PPP1R3C: variants seen among roughly 807,000 people sequenced by gnomAD.
PPP1R3C encodes protein phosphatase 1 regulatory subunit 3C.
Under a neutral mutation model 29.3 loss-of-function variants are expected in PPP1R3C, and 20 were observed. That is an observed-to-expected ratio of 0.68 (90% CI 0.48 to 0.99). PPP1R3C has a LOEUF of 0.99. Among genes scored for constraint, PPP1R3C ranks in the 50% least tolerant of loss-of-function variants. The probability of loss-of-function intolerance (pLI) is 0.00; values close to 1 mark genes in which losing one functional copy is unlikely to be tolerated. For missense variants in PPP1R3C, 321 were observed against 386.0 expected (o/e 0.83, Z 1.41); for synonymous variants, 123 against 143.1 (o/e 0.86, Z 1.00).
intron 1 of PPP1R3C, among the ~76,000 whole-genome samples, chr10:91,632,674 G>T: frequency 6.6e-6 from 1 of 152,156 alleles, no homozygotes; most frequent in Non-Finnish European, 1.5e-5. Context: ...AGGACCAAAA[G>T]AACAGCCGCA....
Position 91,628,828 on chromosome 10 carries a change from T to C in PPP1R3C, c.*1099A>G, listed in dbSNP as rs539524821. 18 of 152,734 alleles carry C rather than the reference T, an allele frequency of 1.2e-4. No homozygotes were observed. The highest frequency in any genetic ancestry group is 4.3e-4 in the African/African-American group (18 of 41,584). The allele number at this position is 152,734 out of a possible 1,614,324, so 9.5% of individuals were successfully genotyped here. The stretch of plus-strand genomic sequence containing the variant: ...TGGGTTGCTACTTCTATGTGCAAGG[T>C]ACTGGATTCTTGCATTGAGAATCCT... On this transcript the variant is annotated 3_prime_UTR_variant, in exon 2 of 2. Coordinates refer to ENST00000238994, the MANE Select transcript of PPP1R3C (RefSeq NM_005398.7).
rs147736541 is a variant in PPP1R3C at position 91,629,915 on chromosome 10, T to C, written c.*12A>G. On this transcript the variant is annotated 3_prime_UTR_variant, in exon 2 of 2. Transcript: ENST00000238994. ...ATATGACAAGTCAAGACCAGTTACA[T>C]TGTTGCTTAATTCATCGATAAGAGG... 3.2e-5 allele frequency: 51 copies of C among 1,613,496 alleles called. 1 individual carries two copies. In the African/African-American group the frequency reaches 4.0e-4, roughly 13 times the overall value.
intron 1 of PPP1R3C, 140 bp downstream of exon 1, chr10:91,632,816 G>T: frequency 7.7e-7 from 1 of 1,301,228 alleles, no homozygotes; most frequent in Non-Finnish European, 1.1e-6. Flanking sequence ...TCGGTTGCCA[G>T]ATTCAACTAC....
In PPP1R3C at chr10:91,630,869, G is replaced by A. The variant is rs1217522115; in HGVS notation, c.15-3C>T. ...GTGGATCTAAAACCTGGATCATTCTGGAATGCAAAAAGAAGAGGGATTATC... is the reference window on the plus strand; with the variant it reads ...GTGGATCTAAAACCTGGATCATTCTAGAATGCAAAAAGAAGAGGGATTATC... On this transcript the variant is annotated splice_region_variant and splice_polypyrimidine_tract_variant and intron_variant, in intron 1 of 1. Coordinates refer to ENST00000238994, the MANE Select transcript of PPP1R3C (RefSeq NM_005398.7). This position sits in a 1 kb window ranked among gnomAD's most constrained non-coding sequence, Gnocchi z 4.4. 2 of 1,607,504 alleles carry A rather than the reference G, an allele frequency of 1.2e-6. No homozygotes were observed. Among genetic ancestry groups the A allele is most frequent in the African/African-American group, 2.7e-5 (2 of 74,878 alleles).
At position 91,630,119 on chromosome 10, in the gene PPP1R3C, A is replaced by G. The variant is rs1848699338; in HGVS notation, c.762T>C (p.Tyr254=). 16 of 1,614,232 alleles carry G rather than the reference A, an allele frequency of 9.9e-6. No individual in the cohort carries two copies. In the Admixed American group the frequency reaches 1.7e-4, roughly 17 times the overall value. ...GCTTCCATTGAACATGAACAATTCT[A>G]TAATTCTGACCATCATTGTTGTCCC... is the stretch of plus-strand genomic sequence containing the variant. ...VFWDNNDGQN[Y]RIVHVQWKPD... is the part of the protein sequence containing the mutation. The change falls in exon 2 of 2, where the codon TAT becomes TAC. Residue 254 remains tyrosine (Y), a synonymous_variant. Coordinates refer to ENST00000238994, the MANE Select transcript of PPP1R3C (RefSeq NM_005398.7). The surrounding 1 kb of genome is among the most constrained non-coding windows in gnomAD (Gnocchi z 4.4).
Position 91,632,947 on chromosome 10 carries a change from C to A in PPP1R3C, c.14+9G>T, listed in dbSNP as rs1848732458. 4.3e-6 allele frequency: 7 copies of A among 1,612,202 alleles called. No individual in the cohort carries two copies. Among genetic ancestry groups the A allele is most frequent in the East Asian group, 2.2e-5 (1 of 44,830 alleles). On this transcript the variant is annotated intron_variant, in intron 1 of 1. Coordinates refer to ENST00000238994, the MANE Select transcript of PPP1R3C (RefSeq NM_005398.7). ...GTGTTCCTAGCGCGCAGAGTTGCAG[C>A]GAACCTACCTGGTGCAGCTCATTAG...
At chr10:91,631,615 C>T (rs939054767) in intron 1 of PPP1R3C, among the ~76,000 whole-genome samples, 1 of 152,036 alleles carries the variant, frequency 6.6e-6, no homozygotes, top group Non-Finnish European at 1.5e-5. Flanking sequence ...GATTATCATG[C>T]TCTTATTTTT....
rs1379961217 is a variant in PPP1R3C at position 91,629,662 on chromosome 10, G to C, written c.*265C>G. ...TGAAAGCTAGTGGATTGAGAGGGAA[G>C]GAAGAAGGGAACTGAAAAAGTATTA... On this transcript the variant is annotated 3_prime_UTR_variant, in exon 2 of 2. Coordinates refer to ENST00000238994, the MANE Select transcript of PPP1R3C (RefSeq NM_005398.7). The C allele has an allele frequency of 4.1e-6, 2 of 489,820 alleles. No individual in the cohort carries two copies. The highest frequency in any genetic ancestry group is 4.8e-5 in the South Asian group (2 of 41,908). The allele number at this position is 489,820 out of a possible 1,614,324, so 30.3% of individuals were successfully genotyped here. A position where few individuals can be genotyped will look rare whatever the true frequency, so the allele number is the denominator to read the frequency against.
Position 91,629,763 on chromosome 10 carries a change from C to A in PPP1R3C, c.*164G>T. 2.6e-6 allele frequency: 2 copies of A among 772,862 alleles called. No individual in the cohort carries two copies. The highest frequency in any genetic ancestry group is 2.1e-5 in the Admixed American group (1 of 47,628). The allele number at this position is 772,862 out of a possible 1,614,324, so 47.9% of individuals were successfully genotyped here. Reference sequence around the variant, plus strand: ...TGGGTAGCATCATCTGTACAGACCCCAACACTAAATTCTCAAGTGTCTTTC... The same window carrying A: ...TGGGTAGCATCATCTGTACAGACCCAAACACTAAATTCTCAAGTGTCTTTC... On this transcript the variant is annotated 3_prime_UTR_variant, in exon 2 of 2. Transcript: ENST00000238994.
rs551600711 is a variant in PPP1R3C at position 91,631,017 on chromosome 10, T to C, written c.15-151A>G. 9.5e-5 allele frequency: 71 copies of C among 749,324 alleles called. No homozygotes were observed. In the Admixed American group the frequency reaches 1.3e-3, roughly 14 times the overall value. The allele number at this position is 749,324 out of a possible 1,614,324, so 46.4% of individuals were successfully genotyped here. A position where few individuals can be genotyped will look rare whatever the true frequency, so the allele number is the denominator to read the frequency against. ...TATCATATGTAGTAAAAGAGAACAG[T>C]ATTAAGTGATCAGATCTTCTATGTC... On this transcript the variant is annotated intron_variant, in intron 1 of 1. Coordinates refer to ENST00000238994, the MANE Select transcript of PPP1R3C (RefSeq NM_005398.7).
rs1048419642 is a variant in PPP1R3C at position 91,629,533 on chromosome 10, G to C, written c.*394C>G. The C allele has an allele frequency of 2.9e-5, 6 of 207,598 alleles. No homozygotes were observed. Among genetic ancestry groups the C allele is most frequent in the Non-Finnish European group, 5.9e-5 (6 of 102,396 alleles). 12.9% of individuals were successfully genotyped at this position (207,598 alleles called of 1,614,324 possible). A position where few individuals can be genotyped will look rare whatever the true frequency, so the allele number is the denominator to read the frequency against. ...ATCAGACCTCCCACTCCTCTGACTT[G>C]AGCTTCAGAGCCCTTTGTGTATACT... is the stretch of plus-strand genomic sequence containing the variant. On this transcript the variant is annotated 3_prime_UTR_variant, in exon 2 of 2. Transcript: ENST00000238994.
At chr10:91,632,874 G>T (rs1848731610) in intron 1 of PPP1R3C, 82 bp downstream of exon 1, 2 of 1,542,866 alleles carry the variant, frequency 1.3e-6, no homozygotes, top group Non-Finnish European at 1.8e-6. Context: ...TTCCAGAGAT[G>T]ATAGAACTGA....
Position 91,629,682 on chromosome 10 carries a change from G to C in PPP1R3C, c.*245C>G. 1.8e-6 allele frequency: 1 copy of C among 558,438 alleles called. No individual in the cohort carries two copies. Among genetic ancestry groups the C allele is most frequent in the Non-Finnish European group, 3.2e-6 (1 of 313,048 alleles). The allele number at this position is 558,438 out of a possible 1,614,324, so 34.6% of individuals were successfully genotyped here. Reference sequence around the variant, plus strand: ...GGGAAGGAAGAAGGGAACTGAAAAAGTATTACCTTTATAAAAATAGTTTTC... The same window carrying C: ...GGGAAGGAAGAAGGGAACTGAAAAACTATTACCTTTATAAAAATAGTTTTC... On this transcript the variant is annotated 3_prime_UTR_variant, in exon 2 of 2. Transcript: ENST00000238994.
chr10:91,629,839 A>T lies in PPP1R3C; in HGVS notation c.*88T>A. 7.2e-7 allele frequency: 1 copy of T among 1,387,082 alleles called. No individual in the cohort carries two copies. The highest frequency in any genetic ancestry group is 1.0e-6 in the Non-Finnish European group (1 of 986,394). The allele number at this position is 1,387,082 out of a possible 1,614,324, so 85.9% of individuals were successfully genotyped here. On this transcript the variant is annotated 3_prime_UTR_variant, in exon 2 of 2. Coordinates refer to ENST00000238994, the MANE Select transcript of PPP1R3C (RefSeq NM_005398.7). ...TCAAATCTAAACCTACTGATGGAGTAGCAAAGGCTTCCTAAAATTGAGCAA... is the reference window on the plus strand; with the variant it reads ...TCAAATCTAAACCTACTGATGGAGTTGCAAAGGCTTCCTAAAATTGAGCAA...
At position 91,629,862 on chromosome 10, in the gene PPP1R3C, C is replaced by A; in HGVS notation, c.*65G>T. On this transcript the variant is annotated 3_prime_UTR_variant, in exon 2 of 2. Coordinates refer to ENST00000238994, the MANE Select transcript of PPP1R3C (RefSeq NM_005398.7). ...GTAGCAAAGGCTTCCTAAAATTGAGCAATACAGACCTAGGATTGCATGGGG... is the reference window on the plus strand; with the variant it reads ...GTAGCAAAGGCTTCCTAAAATTGAGAAATACAGACCTAGGATTGCATGGGG... 1 of 1,552,080 alleles carries A rather than the reference C, an allele frequency of 6.4e-7. No individual in the cohort carries two copies.
chr10:91,631,317 C>T (rs1221856741), intron 1 of PPP1R3C, among the ~76,000 whole-genome samples: 3 of 151,842 alleles, frequency 2.0e-5, no homozygotes, highest in Non-Finnish European at 4.4e-5. Flanking sequence ...TCTCTTTCTT[C>T]TTTCTTTCCA....
rs1848733232 is a variant in PPP1R3C, at chr10:91,633,001, G to A, written c.-32C>T. On this transcript the variant is annotated 5_prime_UTR_variant, in exon 1 of 2. Transcript: ENST00000238994. ...GAGAGGCGGCGGACCCTAAAAGCCA[G>A]CACCCGCTGCCTGCACAAATTCGAA... 6.2e-7 allele frequency: 1 copy of A among 1,608,954 alleles called. No individual in the cohort carries two copies. The highest frequency in any genetic ancestry group is 1.7e-5 in the Admixed American group (1 of 59,458).
rs551990527 is a variant in PPP1R3C at position 91,628,589 on chromosome 10, G to T, written c.*1338C>A. 1.3e-5 allele frequency: 2 copies of T among 152,242 alleles called. No homozygotes were observed. Among genetic ancestry groups the T allele is most frequent in the Non-Finnish European group, 2.9e-5 (2 of 68,012 alleles). 9.4% of individuals were successfully genotyped at this position (152,242 alleles called of 1,614,324 possible). A position where few individuals can be genotyped will look rare whatever the true frequency, so the allele number is the denominator to read the frequency against. ...TATTCCGATAGTACTTTTCCACCAT[G>T]GCACATCACACATGTTAAAATTAAC... is the stretch of plus-strand genomic sequence containing the variant. On this transcript the variant is annotated 3_prime_UTR_variant, in exon 2 of 2. Transcript: ENST00000238994.
chr10:91,630,137 G>A lies in PPP1R3C; in HGVS notation c.744C>T (p.Asn248=). The change falls in exon 2 of 2, where the codon AAC becomes AAT. Residue 248 remains asparagine, a synonymous_variant. Coordinates refer to ENST00000238994, the MANE Select transcript of PPP1R3C (RefSeq NM_005398.7). The surrounding 1 kb of genome is among the most constrained non-coding windows in gnomAD (Gnocchi z 4.4). ...YHANGQVFWD[N]NDGQNYRIVH... ...CAATTCTATAATTCTGACCATCATTGTTGTCCCAAAAGACTTGCCCATTAG... is the reference window on the plus strand; with the variant it reads ...CAATTCTATAATTCTGACCATCATTATTGTCCCAAAAGACTTGCCCATTAG... The A allele has an allele frequency of 1.9e-6, 3 of 1,614,172 alleles. No individual in the cohort carries two copies. The highest frequency in any genetic ancestry group is 2.2e-5 in the South Asian group (2 of 91,088).
Sources: allele counts gnomAD v4.1 joint callset (sites outside exome capture counted in the v4.1 genomes callset), GRCh38; gene constraint gnomAD v4.1.1; non-coding constraint Gnocchi (gnomAD v3.1); transcripts MANE v1.5; gene names NCBI Gene and HGNC (gene_info 2026-07-23, HGNC 2026-07-21).